Variants in GABRB1 observed in about 807,000 individuals in gnomAD.
GABRB1 encodes the protein gamma-aminobutyric acid receptor subunit beta-1.
In GABRB1, 17 loss-of-function variants were observed where a neutral mutation model predicts 51.6. The observed-to-expected ratio is 0.33, with a 90% confidence interval of 0.23 to 0.49. The LOEUF is 0.49. Ranked by LOEUF, GABRB1 falls within the 20% of genes least tolerant of loss-of-function variation. GABRB1 has a pLI of 0.99. For missense variants in GABRB1, 410 were observed against 600.6 expected, an observed-to-expected ratio of 0.68 and a Z score of 3.32; for synonymous variants, 247 against 218.9, an observed-to-expected ratio of 1.13 and a Z score of -1.14.
At chr4:47,377,851 A>AGGGTGCT (rs1326634261) in intron 5 of GABRB1, among the ~76,000 whole-genome samples, 1 of 152,202 alleles carries the variant, frequency 6.6e-6, no homozygotes, top group Non-Finnish European at 1.5e-5. Context: ...AGGTAGACAC[A>AGGGTGCT]GGGTGCTGAT....
intron 4 of GABRB1, among the ~76,000 whole-genome samples, chr4:47,221,974 G>C (rs1033518485): frequency 6.6e-6 from 1 of 152,030 alleles, no homozygotes; most frequent in African/African-American, 2.4e-5. Context: ...TGGTGCTTAA[G>C]AACACCAGAA....
At chr4:47,200,851 A>G (rs900173242) in intron 4 of GABRB1, among the ~76,000 whole-genome samples, 2 of 152,174 alleles carry the variant, frequency 1.3e-5, no homozygotes, top group South Asian at 2.1e-4. Flanking sequence ...TGCATAATAT[A>G]GTGTACATAT....
chr4:47,330,282 G>A (rs1196096571), intron 5 of GABRB1, among the ~76,000 whole-genome samples: 1 of 152,066 alleles, frequency 6.6e-6, no homozygotes, highest in East Asian at 1.9e-4. Context: ...CACCCTCACA[G>A]GAACACCCAG....
chr4:46,998,108 A>G (rs1474208061), intron 1 of GABRB1, among the ~76,000 whole-genome samples: 1 of 152,208 alleles, frequency 6.6e-6, no homozygotes, highest in Non-Finnish European at 1.5e-5. Context: ...ATTTCATAAT[A>G]CCAGTTAATA....
intron 8 of GABRB1, among the ~76,000 whole-genome samples, chr4:47,423,793 C>A (rs1729170687): frequency 6.6e-6 from 1 of 152,114 alleles, no homozygotes; most frequent in Admixed American, 6.5e-5. Context: ...TACTTAACTT[C>A]TTTGAGCCTT....
chr4:47,037,626 T>C (rs1426357581), intron 3 of GABRB1, among the ~76,000 whole-genome samples: 2 of 151,366 alleles, frequency 1.3e-5, no homozygotes, highest in African/African-American at 2.4e-5. Flanking sequence ...TGAGTTTACA[T>C]TTGAAAGCCT....
intron 4 of GABRB1, among the ~76,000 whole-genome samples, chr4:47,261,492 G>A (rs1410687181): frequency 6.6e-6 from 1 of 152,146 alleles, no homozygotes; most frequent in African/African-American, 2.4e-5. Flanking sequence ...CAAGGGACAG[G>A]AAGGACCTCT....
At chr4:47,425,591 T>C (rs1729254311) in intron 8 of GABRB1, 83 bp from the exon 9 acceptor site, 4 of 1,047,980 alleles carry the variant, frequency 3.8e-6, no homozygotes, top group Non-Finnish European at 2.8e-6. Context: ...TAATGAGCCT[T>C]ATGGGGTATC....
At chr4:47,146,305 T>C (rs577340496) in intron 3 of GABRB1, among the ~76,000 whole-genome samples, 1 of 152,166 alleles carries the variant, frequency 6.6e-6, no homozygotes, top group African/African-American at 2.4e-5. Context: ...TTTCTTTTTT[T>C]CCCCCTCTCT....
intron 3 of GABRB1, among the ~76,000 whole-genome samples, chr4:47,046,108 C>T (rs1345442436): frequency 6.6e-6 from 1 of 152,026 alleles, no homozygotes; most frequent in African/African-American, 2.4e-5. Flanking sequence ...TTACCCTTCT[C>T]TCTCCGGCCA....
At chr4:47,052,747 C>T (rs1372274372) in intron 3 of GABRB1, among the ~76,000 whole-genome samples, 7 of 152,142 alleles carry the variant, frequency 4.6e-5, no homozygotes, top group South Asian at 2.1e-4. Flanking sequence ...TTTTCCTCCC[C>T]GACTGTAGCA....
chr4:47,305,044 A>G (rs1413278395), intron 4 of GABRB1, among the ~76,000 whole-genome samples: 1 of 152,094 alleles, frequency 6.6e-6, no homozygotes, highest in Non-Finnish European at 1.5e-5. Context: ...TCTTGAAAAG[A>G]AACCAACATT....
intron 3 of GABRB1, among the ~76,000 whole-genome samples, chr4:47,093,219 C>T (rs183489079): frequency 6.6e-6 from 1 of 152,128 alleles, no homozygotes; most frequent in Non-Finnish European, 1.5e-5. Flanking sequence ...TTTTTAGATG[C>T]GTGTGACTAA....
At chr4:47,217,547 A>G (rs565720475) in intron 4 of GABRB1, among the ~76,000 whole-genome samples, 11 of 151,856 alleles carry the variant, frequency 7.2e-5, no homozygotes, top group African/African-American at 2.2e-4. Context: ...AGAGCAACTC[A>G]TGAACACCAC....
chr4:47,167,589 G>C (rs887924895), intron 4 of GABRB1, among the ~76,000 whole-genome samples: 2 of 152,098 alleles, frequency 1.3e-5, no homozygotes, highest in African/African-American at 4.8e-5. Flanking sequence ...GAATGCTGTG[G>C]TTTGAATGTT....
At chr4:47,356,340 C>T (rs777511862) in intron 5 of GABRB1, among the ~76,000 whole-genome samples, 3 of 152,080 alleles carry the variant, frequency 2.0e-5, no homozygotes, top group Non-Finnish European at 4.4e-5. Flanking sequence ...TTTTTCTTCC[C>T]GAAAACTTTC....
intron 5 of GABRB1, among the ~76,000 whole-genome samples, chr4:47,369,681 C>T (rs940218192): frequency 2.6e-5 from 4 of 152,126 alleles, no homozygotes; most frequent in African/African-American, 9.7e-5. Flanking sequence ...ACTTGGCAAA[C>T]TAAGGAAGCC....
chr4:47,414,364 G>A (rs751027900), intron 8 of GABRB1, among the ~76,000 whole-genome samples: 1 of 152,126 alleles, frequency 6.6e-6, no homozygotes, highest in Non-Finnish European at 1.5e-5. Flanking sequence ...ACATTGGTTC[G>A]GTCTGGAAAG....
At chr4:47,011,252 T>G (rs1350358174) in intron 1 of GABRB1, among the ~76,000 whole-genome samples, 1 of 152,062 alleles carries the variant, frequency 6.6e-6, no homozygotes, top group Non-Finnish European at 1.5e-5. Context: ...CACCTTATCA[T>G]TGTTGCTGCA....
Sources: allele counts gnomAD v4.1 joint callset (sites outside exome capture counted in the v4.1 genomes callset), GRCh38; gene constraint gnomAD v4.1.1; transcripts MANE v1.5; gene names NCBI Gene and HGNC (gene_info 2026-07-23, HGNC 2026-07-21).